Variants in MEAK7 observed in about 807,000 individuals in gnomAD.
The protein encoded by MEAK7 is MTOR associated protein MEAK7, also known as MTOR-associated protein MEAK7.
A neutral mutation model predicts 40.5 loss-of-function variants in MEAK7; 68 were observed. That is an observed-to-expected ratio of 1.68 (90% CI 1.38 to 2.06). MEAK7 has a LOEUF of 2.06. Ranked by LOEUF, MEAK7 falls within the 30% of genes most tolerant of loss-of-function variation. The pLI is 0.00. For synonymous variants in MEAK7, 338 were observed against 231.9 expected, an observed-to-expected ratio of 1.46 and a Z score of -4.16; for missense variants, 918 against 580.5, an observed-to-expected ratio of 1.58 and a Z score of -5.98.
chr16:84,494,563 A>G (rs927723126), intron 3 of MEAK7, among the ~76,000 whole-genome samples: 21 of 152,046 alleles, frequency 1.4e-4, no homozygotes, highest in African/African-American at 4.1e-4. Context: ...ATACAGAACC[A>G]TTTTCGTACC....
Position 84,497,973 on chromosome 16 carries a change from C to A in MEAK7, c.114G>T (p.Pro38=). Reference sequence around the variant, plus strand: ...GAGAGAAGGATTTGGATGAGACATTCGGGCTGTTTTTATCTGATGACAGAG... The same window carrying A: ...GAGAGAAGGATTTGGATGAGACATTAGGGCTGTTTTTATCTGATGACAGAG... ...FDALSSDKNS[P]NVSSKSFSLK... is the part of the protein sequence containing the mutation. Residue 38 remains proline, a synonymous_variant, in exon 2 of 8, where the codon CCG becomes CCT. Coordinates refer to ENST00000343629, the MANE Select transcript of MEAK7 (RefSeq NM_020947.4). 1 of 1,614,162 alleles carries A rather than the reference C, an allele frequency of 6.2e-7. No individual in the cohort carries two copies. Among genetic ancestry groups the A allele is most frequent in the Non-Finnish European group, 8.5e-7 (1 of 1,180,036 alleles).
rs542703755 is a variant in MEAK7 at position 84,477,545 on chromosome 16, T to C, written c.*2368A>G. 3 of 151,336 alleles carry C rather than the reference T, an allele frequency of 2.0e-5. No homozygotes were observed. The South Asian group carries it at 6.2e-4, about 31-fold the overall frequency. 9.4% of individuals were successfully genotyped at this position (151,336 alleles called of 1,614,324 possible). A position where few individuals can be genotyped will look rare whatever the true frequency, so the allele number is the denominator to read the frequency against. On this transcript the variant is annotated 3_prime_UTR_variant, in exon 8 of 8. Transcript: ENST00000343629. Reference sequence around the variant, plus strand: ...TGGGAGAAAATAATAGCTTGCAATGTGGCAATCATTTATAATAGTTTGCAA... The same window carrying C: ...TGGGAGAAAATAATAGCTTGCAATGCGGCAATCATTTATAATAGTTTGCAA...
intron 3 of MEAK7, among the ~76,000 whole-genome samples, chr16:84,492,703 T>C (rs1436788282): frequency 6.6e-6 from 1 of 152,146 alleles, no homozygotes; most frequent in Non-Finnish European, 1.5e-5. Context: ...TGCCTTGGCC[T>C]CCCGAGTAGC....
At chr16:84,501,549 G>T (rs1019739489) in intron 1 of MEAK7, among the ~76,000 whole-genome samples, 2 of 152,174 alleles carry the variant, frequency 1.3e-5, no homozygotes, top group Admixed American at 1.3e-4. Flanking sequence ...GGCAGGACAG[G>T]AACCCAGAAA....
intron 4 of MEAK7, chr16:84,487,622 A>T (rs1230322047): frequency 2.6e-5 from 4 of 153,206 alleles, no homozygotes; most frequent in African/African-American, 7.3e-5. Context: ...ACTTCCTGGG[A>T]CTCCTGCAGT....
Position 84,482,679 on chromosome 16 carries a change from G to A in MEAK7, c.990C>T (p.Cys330=). 6.2e-7 allele frequency: 1 copy of A among 1,614,220 alleles called. No homozygotes were observed. The highest frequency in any genetic ancestry group is 8.5e-7 in the Non-Finnish European group (1 of 1,180,040). ...GDNRCFLFSI[C]PSMAVYTHTG... Reference sequence around the variant, plus strand: ...TGTGTGTGTACACAGCCATGCTGGGGCAGATGGAGAACAGGAAGCATCTGT... The same window carrying A: ...TGTGTGTGTACACAGCCATGCTGGGACAGATGGAGAACAGGAAGCATCTGT... The change falls in exon 6 of 8, where the codon TGC becomes TGT. Residue 330 remains cysteine (C), a synonymous_variant. Transcript: ENST00000343629.
chr16:84,491,521 G>A (rs549255172), intron 3 of MEAK7, among the ~76,000 whole-genome samples: 428 of 136,812 alleles, frequency 3.1e-3, no homozygotes, highest in Admixed American at 8.5e-3. Context: ...ACTGGGCAAC[G>A]GAGCGAGACC....
At chr16:84,499,539 A>C (rs12923106) in intron 1 of MEAK7, among the ~76,000 whole-genome samples, 50,233 of 152,030 alleles carry the variant, frequency 0.33, 8,816 homozygotes, top group East Asian at 0.55. Flanking sequence ...GATTCACATA[A>C]AATTAACCAT....
intron 3 of MEAK7, among the ~76,000 whole-genome samples, chr16:84,495,177 G>C (rs540304961): frequency 6.6e-6 from 1 of 152,260 alleles, no homozygotes; most frequent in Admixed American, 6.5e-5. Context: ...GCTGAGGCAG[G>C]AGAACCACTT....
intron 5 of MEAK7, chr16:84,486,375 C>T: frequency 8.6e-7 from 1 of 1,166,626 alleles, no homozygotes; most frequent in Non-Finnish European, 1.1e-6. Flanking sequence ...CTCCCACGCC[C>T]CATAGACCCG....
chr16:84,490,749 AAAG>A (rs1223384852), intron 3 of MEAK7, among the ~76,000 whole-genome samples: 2 of 149,184 alleles, frequency 1.3e-5, no homozygotes, highest in East Asian at 2.0e-4. Flanking sequence ...TTTTTAGAAA[AAAG>A]AAGATTTATT....
chr16:84,500,275 T>C (rs1024025958), intron 1 of MEAK7, among the ~76,000 whole-genome samples: 2 of 152,194 alleles, frequency 1.3e-5, no homozygotes, highest in African/African-American at 2.4e-5. Context: ...GCAATGAACA[T>C]CTGAGTACCT....
intron 3 of MEAK7, among the ~76,000 whole-genome samples, chr16:84,490,340 C>T (rs1913462856): frequency 1.3e-5 from 2 of 151,128 alleles, no homozygotes; most frequent in Admixed American, 1.3e-4. Context: ...ATTTTGACTG[C>T]CTTGAGGGGC....
chr16:84,487,763 C>A (rs78391458), intron 4 of MEAK7: 4,214 of 152,382 alleles, frequency 0.028, 81 homozygotes, highest in Non-Finnish European at 0.042. Context: ...ACACCTGGGA[C>A]TCGAACAGCT....
At chr16:84,491,000 G>A (rs1913550556) in intron 3 of MEAK7, among the ~76,000 whole-genome samples, 3 of 152,032 alleles carry the variant, frequency 2.0e-5, no homozygotes, top group South Asian at 4.1e-4. Context: ...TGTGTTACCT[G>A]ATTTTTGTCT....
chr16:84,481,060 G>T (rs1406950301), intron 6 of MEAK7, among the ~76,000 whole-genome samples: 2 of 60,468 alleles, frequency 3.3e-5, no homozygotes, highest in Non-Finnish European at 4.9e-5. Context: ...GTTAAGATAA[G>T]GGGAGAGGTG....
chr16:84,496,528 T>C (rs1348032419), intron 2 of MEAK7, among the ~76,000 whole-genome samples: 1 of 152,200 alleles, frequency 6.6e-6, no homozygotes, highest in South Asian at 2.1e-4. Flanking sequence ...CATGTCATTT[T>C]ATCTAAACTG....
chr16:84,503,475 C>G (rs1429533440), intron 1 of MEAK7, among the ~76,000 whole-genome samples: 1 of 152,138 alleles, frequency 6.6e-6, no homozygotes. Flanking sequence ...AGAGTTGAGC[C>G]CAATCTCTCT....
chr16:84,491,425 C>G (rs1367175417), intron 3 of MEAK7, among the ~76,000 whole-genome samples: 1 of 151,446 alleles, frequency 6.6e-6, no homozygotes, highest in Non-Finnish European at 1.5e-5. Context: ...TGTAATCCTA[C>G]CTACTTGGGA....
Sources: allele counts gnomAD v4.1 joint callset (sites outside exome capture counted in the v4.1 genomes callset), GRCh38; gene constraint gnomAD v4.1.1; transcripts MANE v1.5; gene names NCBI Gene and HGNC (gene_info 2026-07-23, HGNC 2026-07-21).